The following CSMD3 variants were observed in gnomAD, a reference collection of about 807,000 sequenced individuals.
The protein encoded by CSMD3 is CUB and Sushi multiple domains 3.
In CSMD3, 177 loss-of-function variants were observed where a neutral mutation model predicts 435.2. That is an observed-to-expected ratio of 0.41 (90% CI 0.36 to 0.46). The LOEUF (loss-of-function observed/expected upper bound fraction) is 0.46, where lower values mean the gene tolerates loss of function less well. CSMD3 is among the 20% of genes least tolerant of loss of function. CSMD3 has a pLI of 0.34. For missense variants in CSMD3, 4,265 were observed against 4,504.6 expected (o/e 0.95, Z 1.52); for synonymous variants, 1,656 against 1,520.5 (o/e 1.09, Z -2.07).
At chr8:112,831,314 C>T (rs1344651815) in intron 11 of CSMD3, among the ~76,000 whole-genome samples, 1 of 131,180 alleles carries the variant, frequency 7.6e-6, no homozygotes, top group African/African-American at 2.8e-5. Context: ...GATTGTTTCC[C>T]ATTTTCTTTC....
intron 52 of CSMD3, among the ~76,000 whole-genome samples, chr8:112,304,348 T>C (rs1821213366): frequency 6.6e-6 from 1 of 151,822 alleles, no homozygotes; most frequent in South Asian, 2.1e-4. Context: ...CTCTCTGACT[T>C]TAATAGAATG....
chr8:112,292,416 CT>C (rs1819854041), intron 55 of CSMD3, 120 bp downstream of exon 55: 4 of 893,914 alleles, frequency 4.5e-6, no homozygotes, highest in Admixed American at 1.9e-5. Flanking sequence ...AGTATTAAAG[CT>C]TTTTGTTTTA....
In CSMD3 at chr8:113,092,640, T is replaced by C. The variant is rs186958162; in HGVS notation, c.917+6116A>G. 7.2e-5 allele frequency among the ~76,000 whole-genome samples: 11 copies of C among 152,208 alleles called. No individual in the cohort carries two copies. The East Asian group carries it at 2.1e-3, about 29-fold the overall frequency. On this transcript the variant is annotated intron_variant, in intron 5 of 70. Coordinates refer to ENST00000297405, the MANE Select transcript of CSMD3 (RefSeq NM_198123.2). Reference sequence around the variant, plus strand: ...GGTAGCTGATGACTGCCATTTGGGTTTTCCTTTTCCTTGTTCTTCTTCCTA... The same window carrying C: ...GGTAGCTGATGACTGCCATTTGGGTCTTCCTTTTCCTTGTTCTTCTTCCTA...
intron 16 of CSMD3, among the ~76,000 whole-genome samples, chr8:112,681,636 CA>C (rs1388144614): frequency 6.6e-6 from 1 of 151,918 alleles, no homozygotes; most frequent in Non-Finnish European, 1.5e-5. Flanking sequence ...GAGGCCGAGG[CA>C]GACAGATCAC....
At chr8:113,207,294 C>T (rs1381186918) in intron 3 of CSMD3, among the ~76,000 whole-genome samples, 1 of 151,562 alleles carries the variant, frequency 6.6e-6, no homozygotes, top group East Asian at 1.9e-4. Flanking sequence ...CTGTCTATTA[C>T]AATTTATTAA....
intron 13 of CSMD3, among the ~76,000 whole-genome samples, chr8:112,744,192 T>C (rs938220610): frequency 6.6e-6 from 1 of 152,178 alleles, no homozygotes; most frequent in Admixed American, 6.6e-5. Context: ...CTCTGTTATA[T>C]TGAAGGATTA....
chr8:112,632,793 TA>T (rs1240435852), intron 22 of CSMD3, among the ~76,000 whole-genome samples: 3 of 151,970 alleles, frequency 2.0e-5, no homozygotes, highest in African/African-American at 7.2e-5. Flanking sequence ...CTTATCAACT[TA>T]CCGGTAGTTT....
chr8:112,831,775 T>C (rs2079883327), intron 11 of CSMD3, among the ~76,000 whole-genome samples: 1 of 152,136 alleles, frequency 6.6e-6, no homozygotes. Flanking sequence ...ACAATAATAT[T>C]TGTAATACAC....
chr8:112,547,923 C>A (rs1220536977), intron 27 of CSMD3, among the ~76,000 whole-genome samples: 1 of 151,968 alleles, frequency 6.6e-6, no homozygotes, highest in East Asian at 1.9e-4. Context: ...AATGAATTAG[C>A]GGATGAACAT....
intron 13 of CSMD3, among the ~76,000 whole-genome samples, chr8:112,791,586 A>G (rs538378207): frequency 6.6e-6 from 1 of 152,192 alleles, no homozygotes; most frequent in East Asian, 1.9e-4. Flanking sequence ...ATTGATGAGT[A>G]GTATTCTATT....
At chr8:112,691,172 C>A (rs2076128798) in intron 13 of CSMD3, among the ~76,000 whole-genome samples, 1 of 152,068 alleles carries the variant, frequency 6.6e-6, no homozygotes, top group South Asian at 2.1e-4. Context: ...TAACCAAACA[C>A]TATGTTTTAG....
chr8:113,389,316 T>A, intron 1 of CSMD3, among the ~76,000 whole-genome samples: 1 of 151,614 alleles, frequency 6.6e-6, no homozygotes, highest in Non-Finnish European at 1.5e-5. Flanking sequence ...CAATCCAATC[T>A]CTAAAGCTAA....
chr8:113,226,166 C>T (rs139771131), intron 3 of CSMD3, among the ~76,000 whole-genome samples: 2 of 151,538 alleles, frequency 1.3e-5, no homozygotes, highest in African/African-American at 4.8e-5. Context: ...TTCGTAGCAG[C>T]GGTGAGAATG....
intron 7 of CSMD3, among the ~76,000 whole-genome samples, 155 bp from the exon 8 acceptor site, chr8:112,954,916 A>G (rs998299604): frequency 2.0e-5 from 3 of 151,650 alleles, no homozygotes; most frequent in Non-Finnish European, 4.4e-5. Context: ...TTAAAGCAAT[A>G]TAATCACTTA....
chr8:112,884,839 T>C (rs2081546907), intron 10 of CSMD3, among the ~76,000 whole-genome samples: 1 of 151,802 alleles, frequency 6.6e-6, no homozygotes, highest in Admixed American at 6.6e-5. Flanking sequence ...CTATAATAGA[T>C]GATTGTTTTT....
intron 10 of CSMD3, among the ~76,000 whole-genome samples, chr8:112,912,953 G>GA (rs373560053): frequency 2.7e-4 from 41 of 151,828 alleles, no homozygotes; most frequent in African/African-American, 9.4e-4. Flanking sequence ...CAGGTATATG[G>GA]AAAAAAAATG....
intron 4 of CSMD3, among the ~76,000 whole-genome samples, chr8:113,167,784 T>TA (rs1413733004): frequency 1.3e-5 from 2 of 152,168 alleles, no homozygotes; most frequent in Non-Finnish European, 2.9e-5. Flanking sequence ...GCTTGTTCTT[T>TA]AAAAGACATG....
intron 38 of CSMD3, among the ~76,000 whole-genome samples, chr8:112,361,313 C>A (rs1048854336): frequency 6.6e-6 from 1 of 151,494 alleles, no homozygotes; most frequent in African/African-American, 2.4e-5. Context: ...ATCCAGGGAC[C>A]AATCCATACA....
chr8:113,195,791 T>TTTTATATATATA (rs774744591), intron 3 of CSMD3, among the ~76,000 whole-genome samples: 2 of 126,044 alleles, frequency 1.6e-5, no homozygotes, highest in African/African-American at 6.2e-5. Context: ...ATCCTATATT[T>TTTTATATATATA]TATATATATA....
Sources: gnomAD v4.1 joint callset for allele counts (sites outside exome capture counted in the v4.1 genomes callset) on GRCh38, gnomAD v4.1.1 for gene constraint, MANE v1.5 for transcripts, NCBI Gene and HGNC (gene_info 2026-07-23, HGNC 2026-07-21) for gene names.